Variants in CSTF2 observed in about 807,000 individuals in gnomAD.
The protein encoded by CSTF2 is cleavage stimulation factor subunit 2.
Under a neutral mutation model 45.4 loss-of-function variants are expected in CSTF2, and 8 were observed. The ratio of observed to expected loss-of-function variants is 0.18; its 90% CI spans 0.10 to 0.32. The LOEUF is 0.32. Ranked by LOEUF, CSTF2 falls within the 10% of genes least tolerant of loss-of-function variation. The probability of loss-of-function intolerance (pLI) is 1.00; values close to 1 mark genes in which losing one functional copy is unlikely to be tolerated. For synonymous variants in CSTF2, 155 were observed against 158.9 expected (o/e 0.98, Z 0.18); for missense variants, 253 against 477.1 (o/e 0.53, Z 4.38).
intron 3 of CSTF2, 23 bp downstream of exon 3, chrX:100,822,443 T>C (rs1216748315): frequency 8.4e-7 from 1 of 1,191,516 alleles, no homozygotes; most frequent in African/African-American, 1.7e-5. Flanking sequence ...CCAACTTGGA[T>C]GCAGTATGAG....
chrX:100,836,164 T>G (rs1354294192), intron 11 of CSTF2, among the ~76,000 whole-genome samples: 1 of 112,104 alleles, frequency 8.9e-6, no homozygotes, highest in East Asian at 2.8e-4. Context: ...TTAATGCATG[T>G]AAGTGAATGT....
intron 9 of CSTF2, 48 bp from the exon 10 acceptor site, chrX:100,832,685 GT>G (rs750280195): frequency 9.0e-7 from 1 of 1,113,817 alleles, no homozygotes; most frequent in African/African-American, 1.8e-5. Context: ...TTGGTACTTT[GT>G]TGTTGTTTTG....
In CSTF2 at chrX:100,822,430, A is replaced by G. The variant is rs761510310; in HGVS notation, c.307+10A>G. 2.5e-6 allele frequency: 3 copies of G among 1,203,869 alleles called. No homozygotes were observed. The highest frequency in any genetic ancestry group is 3.4e-6 in the Non-Finnish European group (3 of 890,072). Reference sequence around the variant, plus strand: ...AAAGAAGAGCTGAAGAGTGAGTACAAATCCAACTTGGATGCAGTATGAGTT... The same window carrying G: ...AAAGAAGAGCTGAAGAGTGAGTACAGATCCAACTTGGATGCAGTATGAGTT... On this transcript the variant is annotated intron_variant, in intron 3 of 13. Coordinates refer to ENST00000372972, the MANE Select transcript of CSTF2 (RefSeq NM_001325.3).
At chrX:100,829,497 A>AAT (rs1319824714) in intron 8 of CSTF2, among the ~76,000 whole-genome samples, 13 of 110,082 alleles carry the variant, frequency 1.2e-4, no homozygotes, top group Admixed American at 2.9e-4. Flanking sequence ...TGTCTCAAAG[A>AAT]ATATATATAT....
rs756089745 is a variant in CSTF2, at chrX:100,822,226, C to A, written c.138-25C>A. The A allele has an allele frequency of 4.2e-6, 5 of 1,183,448 alleles. No homozygotes were observed. The South Asian group carries it at 7.5e-5, about 18-fold the overall frequency. On this transcript the variant is annotated intron_variant, in intron 2 of 13. Transcript: ENST00000372972. The stretch of plus-strand genomic sequence containing the variant: ...ACCCTGTATGTGTGTAACATTTGTT[C>A]CTGACACTTGGTTCTGCTCTCCAGA...
chrX:100,824,158 T>G lies in CSTF2; in HGVS notation c.603T>G (p.Ile201Met). 1 of 1,211,996 alleles carries G rather than the reference T, an allele frequency of 8.3e-7. No individual in the cohort carries two copies. Among genetic ancestry groups the G allele is most frequent in the Non-Finnish European group, 1.1e-6 (1 of 895,513 alleles). Residue 201 changes from isoleucine to methionine, a missense_variant, in exon 6 of 14, where the codon ATT (isoleucine) becomes ATG (methionine). Ile to Met is a conservative substitution (Grantham distance 10, BLOSUM62 1). Around this residue, in one of 3 missense-constraint regions of CSTF2, gnomAD observed 200 missense variants for 294.0 expected, o/e 0.68. Coordinates refer to ENST00000372972, the MANE Select transcript of CSTF2 (RefSeq NM_001325.3). ...GCCAGACAAATATCCCAACGCTGAT[T>G]GCAGGCAACCCTCAGCCAGTCCATG... ...LHRQTNIPTLIAGNPQPVHGA... is the reference protein window; with the variant it reads ...LHRQTNIPTLMAGNPQPVHGA...
At chrX:100,831,705 TTCTTCC>T in intron 9 of CSTF2, 49 bp downstream of exon 9, 2 of 1,174,007 alleles carry the variant, frequency 1.7e-6, no homozygotes, top group Non-Finnish European at 2.3e-6. Context: ...GAATTGTCCC[TTCTTCC>T]CTGAGAACAA....
intron 12 of CSTF2, 22 bp from the exon 13 acceptor site, chrX:100,838,217 C>CTT (rs369079352): frequency 1.1e-5 from 11 of 1,020,477 alleles, no homozygotes; most frequent in Middle Eastern, 3.0e-4. Context: ...AACTCACTAC[C>CTT]TTTTTTTTTT....
In CSTF2 at chrX:100,826,198, T is replaced by TA. The variant is rs1276227511; in HGVS notation, c.703-426dup. ...AGGAGTGAGAAAAGATTGGTTAAAT[T>TA]AAAAAAAAAATTTAATTTTAAAAAT... is the stretch of plus-strand genomic sequence containing the variant. On this transcript the variant is annotated intron_variant, in intron 6 of 13. Transcript: ENST00000372972. 2.1e-4 allele frequency among the ~76,000 whole-genome samples: 23 copies of TA among 107,149 alleles called. No individual in the cohort carries two copies. The East Asian group carries it at 2.9e-3, about 13-fold the overall frequency. The allele number at this position is 107,149 out of a possible 115,157, so 93.0% of individuals were successfully genotyped here. A position where few individuals can be genotyped will look rare whatever the true frequency, so the allele number is the denominator to read the frequency against.
intron 1 of CSTF2, among the ~76,000 whole-genome samples, chrX:100,820,948 G>GTGAA (rs2084915052): frequency 8.9e-6 from 1 of 112,503 alleles, no homozygotes; most frequent in African/African-American, 3.2e-5. Flanking sequence ...TGGCTTGTAA[G>GTGAA]TGAATGAATG....
intron 8 of CSTF2, among the ~76,000 whole-genome samples, chrX:100,830,031 C>T (rs1189539901): frequency 8.9e-6 from 1 of 111,799 alleles, no homozygotes; most frequent in African/African-American, 3.3e-5. Flanking sequence ...AGAGTCTTTT[C>T]GTGTGTGCCT....
chrX:100,823,155 C>T, intron 3 of CSTF2, 137 bp from the exon 4 acceptor site: 3 of 681,256 alleles, frequency 4.4e-6, no homozygotes, highest in Non-Finnish European at 6.2e-6. Flanking sequence ...AAGAGGCTTT[C>T]ACATCATTTA....
At chrX:100,832,679 T>TAAAA in intron 9 of CSTF2, 55 bp from the exon 10 acceptor site, 1 of 1,081,098 alleles carries the variant, frequency 9.2e-7, no homozygotes, top group South Asian at 2.3e-5. Flanking sequence ...ATCTGGTTGG[T>TAAAA]ACTTTGTTGT....
chrX:100,833,870 T>G (rs946734931), intron 11 of CSTF2, among the ~76,000 whole-genome samples: 1 of 111,848 alleles, frequency 8.9e-6, no homozygotes, highest in Non-Finnish European at 1.9e-5. Context: ...TTTGAAAAAC[T>G]TCCCCCAAAT....
chrX:100,835,083 G>A (rs1053204329), intron 11 of CSTF2, among the ~76,000 whole-genome samples: 3 of 109,876 alleles, frequency 2.7e-5, no homozygotes, highest in African/African-American at 9.9e-5. Context: ...ATATATATTC[G>A]TTCATCTATA....
At position 100,833,456 on chromosome X, in the gene CSTF2, C is replaced by T; in HGVS notation, c.1484C>T (p.Pro495Leu). ...PSPINMGAVV[P>L]QGSRQVPVMQ... The stretch of plus-strand genomic sequence containing the variant: ...CCAATTAACATGGGGGCGGTTGTCC[C>T]CCAGGGATCCAGACAGGTATGTGTA... The change falls in exon 11 of 14, where the codon CCC becomes CTC. Residue 495 changes from proline (P) to leucine (L), a missense_variant. Physicochemically the swap from Pro to Leu is moderately conservative, Grantham distance 98 (BLOSUM62 -3). This residue lies in a region of CSTF2 where 200 missense variants were observed against 294.0 expected (regional missense o/e 0.68). Coordinates refer to ENST00000372972, the MANE Select transcript of CSTF2 (RefSeq NM_001325.3). 2 of 1,206,492 alleles carry T rather than the reference C, an allele frequency of 1.7e-6. No individual in the cohort carries two copies. The highest frequency in any genetic ancestry group is 3.5e-5 in the African/African-American group (2 of 57,680).
intron 2 of CSTF2, among the ~76,000 whole-genome samples, chrX:100,821,975 C>T (rs1212844243): frequency 9.1e-6 from 1 of 109,808 alleles, no homozygotes; most frequent in Non-Finnish European, 1.9e-5. Flanking sequence ...TGCCTGTAGT[C>T]CCAGCTACTC....
chrX:100,821,852 G>T (rs1014405663), intron 2 of CSTF2, among the ~76,000 whole-genome samples: 2 of 112,054 alleles, frequency 1.8e-5, no homozygotes, highest in African/African-American at 6.5e-5. Context: ...CCAGCACTTT[G>T]GGAGGCCGAG....
intron 6 of CSTF2, among the ~76,000 whole-genome samples, chrX:100,826,241 G>GT (rs983021174): frequency 1.6e-3 from 142 of 90,451 alleles, no homozygotes; most frequent in African/African-American, 5.7e-3. Context: ...ACCAGCAGTT[G>GT]TTTTTTTTAA....
Sources: allele counts gnomAD v4.1 joint callset (sites outside exome capture counted in the v4.1 genomes callset), GRCh38; gene constraint gnomAD v4.1.1; regional missense constraint gnomAD v4.1.1; transcripts MANE v1.5; gene names NCBI Gene and HGNC (gene_info 2026-07-23, HGNC 2026-07-21).